CHRNA7: variants seen among roughly 807,000 people sequenced by gnomAD.
CHRNA7 encodes the protein cholinergic receptor nicotinic alpha 7 subunit.
A neutral mutation model predicts 48.0 loss-of-function variants in CHRNA7; 17 were observed. That is an observed-to-expected ratio of 0.35 (90% CI 0.24 to 0.53). CHRNA7 has a LOEUF of 0.53. Ranked by LOEUF, CHRNA7 falls within the 20% of genes least tolerant of loss-of-function variation. The pLI is 0.92. For synonymous variants in CHRNA7, 75 were observed against 242.3 expected, an observed-to-expected ratio of 0.31 and a Z score of 6.41; for missense variants, 155 against 577.7, an observed-to-expected ratio of 0.27 and a Z score of 7.50.
intron 4 of CHRNA7, among the ~76,000 whole-genome samples, chr15:32,141,275 G>A (rs1007088696): frequency 6.6e-6 from 1 of 152,098 alleles, no homozygotes; most frequent in Non-Finnish European, 1.5e-5. Flanking sequence ...TCTTCCATTG[G>A]TCTATATCTC....
rs78383742 is a variant in CHRNA7 at position 32,117,260 on chromosome 15, T to C, written c.350+5361T>C. Among the ~76,000 whole-genome samples, 1,414 of 152,298 alleles carry C rather than the reference T, an allele frequency of 9.3e-3. 52 individuals are homozygous for C. Among genetic ancestry groups the C allele is most frequent in the East Asian group, 0.085 (441 of 5,164 alleles). On this transcript the variant is annotated intron_variant, in intron 4 of 9. Coordinates refer to ENST00000306901, the MANE Select transcript of CHRNA7 (RefSeq NM_000746.6). ...TGTGTATAGCACATCTCAGCCTTGT[T>C]CTGAGGAAACTGGGATGCTTATCTG...
At chr15:32,119,387 T>TA (rs903714905) in intron 4 of CHRNA7, among the ~76,000 whole-genome samples, 3 of 152,240 alleles carry the variant, frequency 2.0e-5, no homozygotes, top group Admixed American at 1.3e-4. Context: ...TTTTATCTTT[T>TA]AAAAAATCCA....
intron 4 of CHRNA7, among the ~76,000 whole-genome samples, chr15:32,112,667 C>T (rs943590994): frequency 1.3e-4 from 20 of 152,156 alleles, no homozygotes; most frequent in African/African-American, 3.6e-4. Flanking sequence ...TAATCATGAC[C>T]GCTACCTTTG....
At chr15:32,144,431 C>A (rs543244405) in intron 4 of CHRNA7, among the ~76,000 whole-genome samples, 3 of 152,184 alleles carry the variant, frequency 2.0e-5, no homozygotes, top group Non-Finnish European at 2.9e-5. Context: ...TTGTGGTGTT[C>A]TCTGTATTTC....
chr15:32,101,461 C>A (rs55710041), intron 3 of CHRNA7, 114 bp downstream of exon 3: 89 of 924,130 alleles, frequency 9.6e-5, no homozygotes, highest in Non-Finnish European at 1.3e-4. Flanking sequence ...GAAAAAAAAC[C>A]AAAAAAACAA....
intron 2 of CHRNA7, among the ~76,000 whole-genome samples, chr15:32,050,604 G>T (rs2049650779): frequency 6.6e-6 from 1 of 152,230 alleles, no homozygotes; most frequent in Admixed American, 6.5e-5. Context: ...TCCTCCTGTA[G>T]CTCGGAGTAG....
At chr15:32,108,248 CT>C (rs1386734069) in intron 3 of CHRNA7, among the ~76,000 whole-genome samples, 1 of 152,158 alleles carries the variant, frequency 6.6e-6, no homozygotes, top group African/African-American at 2.4e-5. Context: ...CCCTTCCTCC[CT>C]TCCCTTCAGT....
At chr15:32,132,187 A>G (rs1395892226) in intron 4 of CHRNA7, among the ~76,000 whole-genome samples, 4 of 152,194 alleles carry the variant, frequency 2.6e-5, no homozygotes, top group African/African-American at 9.7e-5. Context: ...GACACGGTCC[A>G]GCTGTCAGGC....
At chr15:32,163,687 C>T (rs2051974596) in intron 9 of CHRNA7, 1 of 67,704 alleles carries the variant, frequency 1.5e-5, no homozygotes, top group Admixed American at 1.2e-4. Flanking sequence ...CTCCTGACCT[C>T]GTGATCTGCC....
chr15:32,132,310 A>G (rs2051170790), intron 4 of CHRNA7, among the ~76,000 whole-genome samples: 1 of 152,118 alleles, frequency 6.6e-6, no homozygotes, highest in African/African-American at 2.4e-5. Flanking sequence ...AGTTTGGAAT[A>G]GGTAAGATAA....
chr15:32,108,297 T>G (rs1406620808), intron 3 of CHRNA7, among the ~76,000 whole-genome samples: 2 of 152,182 alleles, frequency 1.3e-5, no homozygotes, highest in African/African-American at 4.8e-5. Context: ...TTTTGAAGAT[T>G]TAATGAGAAG....
chr15:32,056,490 G>T (rs1450479274), intron 2 of CHRNA7, among the ~76,000 whole-genome samples: 1 of 152,162 alleles, frequency 6.6e-6, no homozygotes, highest in Non-Finnish European at 1.5e-5. Context: ...TTTGGACATT[G>T]TATTGTCCAC....
At chr15:32,110,654 C>G (rs2050748112) in intron 3 of CHRNA7, among the ~76,000 whole-genome samples, 1 of 152,186 alleles carries the variant, frequency 6.6e-6, no homozygotes, top group African/African-American at 2.4e-5. Flanking sequence ...ATCTGCAATT[C>G]CCAAATCTCA....
At chr15:32,040,196 C>T (rs897461300) in intron 2 of CHRNA7, among the ~76,000 whole-genome samples, 10 of 151,786 alleles carry the variant, frequency 6.6e-5, no homozygotes, top group African/African-American at 2.4e-4. Context: ...GTTTTTTGTT[C>T]TACTCTTACA....
intron 2 of CHRNA7, among the ~76,000 whole-genome samples, chr15:32,032,378 G>A (rs1901885623): frequency 6.6e-6 from 1 of 152,112 alleles, no homozygotes; most frequent in South Asian, 2.1e-4. Context: ...TTCTGTCTGT[G>A]TTGGTTTCTG....
intron 4 of CHRNA7, among the ~76,000 whole-genome samples, chr15:32,122,676 T>C (rs948183965): frequency 5.9e-5 from 9 of 152,246 alleles, no homozygotes; most frequent in African/African-American, 2.2e-4. Context: ...TACTTTTCTT[T>C]AAGGGATAGA....
chr15:32,114,029 T>TATATAC (rs2050810462), intron 4 of CHRNA7, among the ~76,000 whole-genome samples: 1 of 93,332 alleles, frequency 1.1e-5, no homozygotes, highest in Non-Finnish European at 2.0e-5. Flanking sequence ...AATATATATA[T>TATATAC]ATATATATAT....
chr15:32,151,993 G>A (rs997750925), intron 4 of CHRNA7, among the ~76,000 whole-genome samples: 2 of 152,126 alleles, frequency 1.3e-5, no homozygotes, highest in African/African-American at 2.4e-5. Flanking sequence ...CTGGTACTTT[G>A]ACTGGCTGCC....
In CHRNA7 at chr15:32,170,429, T is replaced by G. The variant is rs567129218; in HGVS notation, c.*1971T>G. The G allele has an allele frequency of 0.034, 2,150 of 63,072 alleles. 18 individuals are homozygous for G. Among genetic ancestry groups the G allele is most frequent in the Non-Finnish European group, 0.05 (1,300 of 25,830 alleles). 3.9% of individuals were successfully genotyped at this position (63,072 alleles called of 1,614,324 possible). ...TGAACCATGCACAAGATTTTCGGTT[T>G]TTTTTTTTTTTTCTGTTACAGTGTC... On this transcript the variant is annotated 3_prime_UTR_variant, in exon 10 of 10. Coordinates refer to ENST00000306901, the MANE Select transcript of CHRNA7 (RefSeq NM_000746.6).
Sources: allele counts gnomAD v4.1 joint callset (sites outside exome capture counted in the v4.1 genomes callset), GRCh38; gene constraint gnomAD v4.1.1; transcripts MANE v1.5; gene names NCBI Gene and HGNC (gene_info 2026-07-23, HGNC 2026-07-21).